The following UVRAG variants were observed in gnomAD, a reference collection of about 807,000 sequenced individuals.
UVRAG encodes UV radiation resistance associated.
UVRAG carries 19 observed loss-of-function variants against 78.0 expected under a neutral mutation model. That is an observed-to-expected ratio of 0.24 (90% CI 0.17 to 0.36). The LOEUF (loss-of-function observed/expected upper bound fraction) is 0.36, where lower values mean the gene tolerates loss of function less well. Among genes scored for constraint, UVRAG ranks in the 10% least tolerant of loss-of-function variants. The probability of loss-of-function intolerance (pLI) is 1.00; values close to 1 mark genes in which losing one functional copy is unlikely to be tolerated. For missense variants in UVRAG, 740 were observed against 853.8 expected, an observed-to-expected ratio of 0.87 and a Z score of 1.66; for synonymous variants, 323 against 324.6, an observed-to-expected ratio of 1.00 and a Z score of 0.05.
chr11:75,836,097 T>TAA (rs1178391423), intron 1 of UVRAG, among the ~76,000 whole-genome samples: 1 of 143,228 alleles, frequency 7.0e-6, no homozygotes. Flanking sequence ...GACTCTGTCT[T>TAA]AAAAAAAAAA....
intron 3 of UVRAG, among the ~76,000 whole-genome samples, chr11:75,876,066 A>C (rs537522862): frequency 2.0e-5 from 3 of 152,178 alleles, no homozygotes; most frequent in Admixed American, 6.5e-5. Context: ...CTTTGTATAG[A>C]TCCGTCATGG....
chr11:75,875,466 A>G (rs578135552), intron 3 of UVRAG, among the ~76,000 whole-genome samples: 1 of 149,026 alleles, frequency 6.7e-6, no homozygotes, highest in Admixed American at 6.6e-5. Context: ...AAACCTGTGA[A>G]TTAGTTTTTT....
intron 12 of UVRAG, among the ~76,000 whole-genome samples, chr11:76,049,677 C>T (rs1950825389): frequency 1.3e-5 from 2 of 152,212 alleles, no homozygotes; most frequent in Admixed American, 1.3e-4. Flanking sequence ...CCCATACATT[C>T]ACCCCTCCCT....
At chr11:76,026,308 T>C (rs1181256014) in intron 12 of UVRAG, among the ~76,000 whole-genome samples, 3 of 152,146 alleles carry the variant, frequency 2.0e-5, no homozygotes, top group Admixed American at 1.3e-4. Context: ...TATTACCTGC[T>C]TCAGGCATAC....
chr11:75,912,357 T>C (rs1312411432), intron 6 of UVRAG, among the ~76,000 whole-genome samples: 2 of 152,210 alleles, frequency 1.3e-5, no homozygotes, highest in Non-Finnish European at 2.9e-5. Context: ...GTTAGACTTA[T>C]CAAAGTCTTA....
chr11:76,078,752 C>CAAAAAAAAAAAA (rs61700855), intron 13 of UVRAG, among the ~76,000 whole-genome samples: 2 of 37,202 alleles, frequency 5.4e-5, no homozygotes, highest in African/African-American at 1.4e-4. Flanking sequence ...ACTAAAAATA[C>CAAAAAAAAAAAA]AAAAAAAAAA....
At chr11:75,826,602 T>C (rs1488865567) in intron 1 of UVRAG, among the ~76,000 whole-genome samples, 2 of 152,138 alleles carry the variant, frequency 1.3e-5, no homozygotes, top group African/African-American at 4.8e-5. Flanking sequence ...GTCCCTTTTA[T>C]GGTGTGAATT....
intron 5 of UVRAG, among the ~76,000 whole-genome samples, chr11:75,904,090 A>C (rs564359155): frequency 4.1e-4 from 62 of 152,356 alleles, no homozygotes; most frequent in African/African-American, 1.5e-3. Context: ...AAGAAAAAAT[A>C]AGACTATGTG....
chr11:76,029,809 A>C (rs2085721440), intron 12 of UVRAG, among the ~76,000 whole-genome samples: 1 of 152,226 alleles, frequency 6.6e-6, no homozygotes, highest in Admixed American at 6.5e-5. Flanking sequence ...AAATGCTATC[A>C]AACAGCATTG....
chr11:76,051,991 C>G (rs1338327576), intron 12 of UVRAG, among the ~76,000 whole-genome samples: 1 of 152,182 alleles, frequency 6.6e-6, no homozygotes, highest in Non-Finnish European at 1.5e-5. Flanking sequence ...CTCCTTCAGT[C>G]CAGTTCTGTT....
chr11:75,924,355 A>G (rs1247527641), intron 6 of UVRAG, among the ~76,000 whole-genome samples: 1 of 151,982 alleles, frequency 6.6e-6, no homozygotes, highest in African/African-American at 2.4e-5. Context: ...ATGCTAATGA[A>G]AAATTCATGT....
At chr11:76,106,671 GA>G (rs1361985232) in intron 13 of UVRAG, among the ~76,000 whole-genome samples, 1 of 151,728 alleles carries the variant, frequency 6.6e-6, no homozygotes, top group Non-Finnish European at 1.5e-5. Flanking sequence ...CCCAGCCTCA[GA>G]AATGTCAAAT....
chr11:75,890,859 GGCC>G (rs1947199380), intron 5 of UVRAG, among the ~76,000 whole-genome samples: 1 of 152,120 alleles, frequency 6.6e-6, no homozygotes, highest in Non-Finnish European at 1.5e-5. Context: ...GAAAAGAAGT[GGCC>G]CAAGGGAAAG....
intron 14 of UVRAG, among the ~76,000 whole-genome samples, chr11:76,122,036 C>T (rs778214195): frequency 2.6e-5 from 4 of 152,198 alleles, no homozygotes; most frequent in African/African-American, 4.8e-5. Context: ...AAGAAGCCAT[C>T]TGAGCTGTTC....
chr11:75,869,692 T>C (rs1946610039), intron 3 of UVRAG, among the ~76,000 whole-genome samples: 1 of 152,230 alleles, frequency 6.6e-6, no homozygotes. Flanking sequence ...GAAAGGTTTC[T>C]AACAATTAGT....
At chr11:76,011,853 A>T (rs1350778389) in intron 11 of UVRAG, among the ~76,000 whole-genome samples, 3 of 152,224 alleles carry the variant, frequency 2.0e-5, no homozygotes, top group Non-Finnish European at 4.4e-5. Flanking sequence ...TGTGTCAGGC[A>T]CTTAGAAGTT....
chr11:75,888,947 T>C, intron 5 of UVRAG, 44 bp downstream of exon 5: 1 of 1,543,874 alleles, frequency 6.5e-7, no homozygotes, highest in Non-Finnish European at 8.9e-7. Context: ...TTAGTGCAGG[T>C]GTGCCTTGCA....
At chr11:76,138,367 C>T (rs1021061219) in intron 14 of UVRAG, among the ~76,000 whole-genome samples, 1 of 152,204 alleles carries the variant, frequency 6.6e-6, no homozygotes, top group African/African-American at 2.4e-5. Context: ...GTGGGCAGCT[C>T]ATCTTCCACG....
At position 76,034,640 on chromosome 11, in the gene UVRAG, A is replaced by G. The variant is rs138806527; in HGVS notation, c.1226+17660A>G. Among the ~76,000 whole-genome samples the G allele has an allele frequency of 4.2e-3, 634 of 152,190 alleles. 4 individuals are homozygous for G. The highest frequency in any genetic ancestry group is 0.015 in the African/African-American group (611 of 41,534). On this transcript the variant is annotated intron_variant, in intron 12 of 14. Coordinates refer to ENST00000356136, the MANE Select transcript of UVRAG (RefSeq NM_003369.4). ...TTTTCTTATAATTCATGTCATTTTC[A>G]TACACCAGTTCTGGCTTCTTGATTG...
Sources: allele counts gnomAD v4.1 joint callset (sites outside exome capture counted in the v4.1 genomes callset), GRCh38; gene constraint gnomAD v4.1.1; transcripts MANE v1.5; gene names NCBI Gene and HGNC (gene_info 2026-07-23, HGNC 2026-07-21).